Variants in APBB2 observed in about 807,000 individuals in gnomAD.
The protein encoded by APBB2 is amyloid beta precursor protein binding family B member 2.
APBB2 carries 38 observed loss-of-function variants against 82.5 expected under a neutral mutation model. The observed-to-expected ratio is 0.46, with a 90% CI of 0.36 to 0.60. APBB2 has a LOEUF of 0.60. Among genes scored for constraint, APBB2 ranks in the 20% least tolerant of loss-of-function variants. APBB2 has a pLI of 0.00. For missense variants in APBB2, 772 were observed against 972.3 expected (o/e 0.79, Z 2.74); for synonymous variants, 341 against 368.2 (o/e 0.93, Z 0.85).
intron 5 of APBB2, among the ~76,000 whole-genome samples, chr4:41,029,893 A>G (rs1172167303): frequency 1.3e-5 from 2 of 152,266 alleles, no homozygotes; most frequent in South Asian, 2.1e-4. Flanking sequence ...GCGGTGGTTC[A>G]TGCCTGTAAT....
intron 1 of APBB2, among the ~76,000 whole-genome samples, chr4:41,206,175 G>A (rs1250645466): frequency 2.6e-5 from 4 of 152,208 alleles, no homozygotes; most frequent in Admixed American, 1.3e-4. Flanking sequence ...CAAATCCTGG[G>A]TGGTAGGCAG....
intron 12 of APBB2, chr4:40,881,106 T>G (rs1768351713): frequency 1.0e-6 from 1 of 985,328 alleles, no homozygotes; most frequent in Non-Finnish European, 1.2e-6. Flanking sequence ...TTTAAAGAGA[T>G]AAAATAGAAC....
intron 11 of APBB2, 131 bp from the exon 12 acceptor site, chr4:40,890,622 A>C: frequency 8.1e-7 from 1 of 1,227,870 alleles, no homozygotes; most frequent in East Asian, 2.6e-5. Flanking sequence ...TTGTCTGCCT[A>C]AGAAACTTCC....
At chr4:40,894,602 G>GA (rs1773138803) in intron 10 of APBB2, among the ~76,000 whole-genome samples, 1 of 152,208 alleles carries the variant, frequency 6.6e-6, no homozygotes, top group Admixed American at 6.5e-5. Context: ...TGTGACGAGG[G>GA]AATCTTTAAA....
chr4:40,934,245 CAG>C (rs1784876096), intron 10 of APBB2, among the ~76,000 whole-genome samples: 1 of 152,138 alleles, frequency 6.6e-6, no homozygotes, highest in Non-Finnish European at 1.5e-5. Flanking sequence ...GAGATACAGG[CAG>C]AGTCTTGATG....
chr4:41,051,123 A>G (rs1268137745), intron 4 of APBB2, among the ~76,000 whole-genome samples: 1 of 152,098 alleles, frequency 6.6e-6, no homozygotes, highest in Non-Finnish European at 1.5e-5. Flanking sequence ...GGGCCAGGGA[A>G]GCTAAAACAA....
At chr4:41,022,476 C>T (rs2154434156) in intron 5 of APBB2, among the ~76,000 whole-genome samples, 1 of 152,254 alleles carries the variant, frequency 6.6e-6, no homozygotes, top group Admixed American at 6.5e-5. Context: ...AGTACCCTTC[C>T]TTCCCTCCAG....
chr4:41,165,078 C>T (rs1766142115), intron 1 of APBB2, among the ~76,000 whole-genome samples: 1 of 152,184 alleles, frequency 6.6e-6, no homozygotes, highest in Non-Finnish European at 1.5e-5. Flanking sequence ...CTAACACTTC[C>T]CTCACAAAAA....
intron 6 of APBB2, among the ~76,000 whole-genome samples, chr4:40,989,560 G>A (rs1801442409): frequency 6.6e-6 from 1 of 151,938 alleles, no homozygotes; most frequent in Admixed American, 6.6e-5. Flanking sequence ...CATCCCAGAT[G>A]TGGCCAGTTT....
chr4:41,123,730 G>A (rs1343454479), intron 2 of APBB2, among the ~76,000 whole-genome samples: 1 of 152,148 alleles, frequency 6.6e-6, no homozygotes, highest in Non-Finnish European at 1.5e-5. Context: ...GGCTGAGGCA[G>A]GAGAATTGCT....
At chr4:41,155,255 TTTTG>T (rs1435965274) in intron 1 of APBB2, among the ~76,000 whole-genome samples, 1 of 152,198 alleles carries the variant, frequency 6.6e-6, no homozygotes, top group Non-Finnish European at 1.5e-5. Flanking sequence ...TTGTTTTTGT[TTTTG>T]TTTTTGTTTT....
chr4:41,019,072 T>C (rs1810773768), intron 5 of APBB2, among the ~76,000 whole-genome samples: 1 of 152,176 alleles, frequency 6.6e-6, no homozygotes. Context: ...AGAAAGACAC[T>C]GGTGACTTCT....
intron 5 of APBB2, among the ~76,000 whole-genome samples, chr4:41,014,911 C>CT (rs1468252849): frequency 6.6e-6 from 1 of 152,174 alleles, no homozygotes; most frequent in Admixed American, 6.5e-5. Flanking sequence ...CGTTTAGAAA[C>CT]TGTGTTCTGA....
intron 6 of APBB2, among the ~76,000 whole-genome samples, chr4:40,991,082 C>T (rs920835422): frequency 3.4e-5 from 5 of 145,358 alleles, no homozygotes; most frequent in African/African-American, 1.3e-4. Flanking sequence ...AATCTTGGCT[C>T]ACTGCAACTT....
rs149941564 is a variant in APBB2 at position 40,872,218 on chromosome 4, G to C, written c.1529+18146C>G. Among the ~76,000 whole-genome samples the C allele has an allele frequency of 3.7e-3, 570 of 152,310 alleles. 7 individuals carry two copies. Among genetic ancestry groups the C allele is most frequent in the African/African-American group, 0.013 (541 of 41,562 alleles). ...ATCATCAGCTTTAGACAGAGAATGA[G>C]GACAATGACAAAGGAAGCCGTGTCT... On this transcript the variant is annotated intron_variant, in intron 12 of 17. Transcript: ENST00000508593.
At chr4:41,070,329 GAC>G (rs1173538294) in intron 3 of APBB2, among the ~76,000 whole-genome samples, 1 of 151,928 alleles carries the variant, frequency 6.6e-6, no homozygotes, top group African/African-American at 2.4e-5. Flanking sequence ...TATTTTTTGA[GAC>G]AGAGTTTCAC....
At chr4:41,153,424 C>A (rs1448823502) in intron 1 of APBB2, among the ~76,000 whole-genome samples, 1 of 152,180 alleles carries the variant, frequency 6.6e-6, no homozygotes. Flanking sequence ...ACACATTTTG[C>A]TAAATGGCAC....
At chr4:40,847,288 C>G (rs1024139499) in intron 12 of APBB2, among the ~76,000 whole-genome samples, 2 of 151,986 alleles carry the variant, frequency 1.3e-5, no homozygotes, top group African/African-American at 4.8e-5. Flanking sequence ...ATGACGAAAC[C>G]CTGTCTCTAC....
chr4:40,991,190 T>C (rs2154411089), intron 6 of APBB2, among the ~76,000 whole-genome samples: 1 of 140,312 alleles, frequency 7.1e-6, no homozygotes, highest in East Asian at 2.0e-4. Flanking sequence ...TTTTTTTTTT[T>C]TTTTTTTGTA....
Sources: allele counts gnomAD v4.1 joint callset (sites outside exome capture counted in the v4.1 genomes callset), GRCh38; gene constraint gnomAD v4.1.1; transcripts MANE v1.5; gene names NCBI Gene and HGNC (gene_info 2026-07-23, HGNC 2026-07-21).